The following PCLO variants were observed in gnomAD, a reference collection of about 807,000 sequenced individuals.
PCLO encodes piccolo presynaptic cytomatrix protein, also known as protein piccolo.
PCLO carries 82 observed loss-of-function variants against 427.5 expected under a neutral mutation model. The observed-to-expected ratio is 0.19, with a 90% CI of 0.16 to 0.23. PCLO has a LOEUF of 0.23. Ranked by LOEUF, PCLO falls within the 10% of genes least tolerant of loss-of-function variation. The pLI is 1.00. For synonymous variants in PCLO, 2,357 were observed against 2,155.4 expected (o/e 1.09, Z -2.59); for missense variants, 6,239 against 6,115.9 (o/e 1.02, Z -0.67).
chr7:83,126,179 A>AT (rs1485551925), intron 3 of PCLO, among the ~76,000 whole-genome samples: 1 of 152,180 alleles, frequency 6.6e-6, no homozygotes, highest in African/African-American at 2.4e-5. Flanking sequence ...AATTAAAACA[A>AT]TTGAACTCAT....
At chr7:83,122,389 G>T (rs1464680193) in intron 3 of PCLO, among the ~76,000 whole-genome samples, 1 of 150,726 alleles carries the variant, frequency 6.6e-6, no homozygotes, top group Non-Finnish European at 1.5e-5. Flanking sequence ...AGGTTCAAGT[G>T]ATTCTCCAGC....
chr7:82,851,523 G>C (rs1352778335), intron 10 of PCLO, among the ~76,000 whole-genome samples: 3 of 151,504 alleles, frequency 2.0e-5, no homozygotes, highest in African/African-American at 4.9e-5. Flanking sequence ...ACAGAAGGGA[G>C]AGCAGAATGG....
chr7:82,764,427 CAG>C (rs2129467647), intron 22 of PCLO, among the ~76,000 whole-genome samples: 1 of 151,834 alleles, frequency 6.6e-6, no homozygotes, highest in Non-Finnish European at 1.5e-5. Context: ...AAATAAAATG[CAG>C]AGTTGAGATT....
At chr7:83,013,337 T>C (rs946590153) in intron 3 of PCLO, among the ~76,000 whole-genome samples, 1 of 152,192 alleles carries the variant, frequency 6.6e-6, no homozygotes, top group Non-Finnish European at 1.5e-5. Context: ...CACTGCATTA[T>C]TACATGATAC....
At chr7:82,879,600 C>A in intron 9 of PCLO, 138 bp from the exon 10 acceptor site, 1 of 614,112 alleles carries the variant, frequency 1.6e-6, no homozygotes, top group South Asian at 2.2e-5. Context: ...AACACCAAAA[C>A]CAAAGTATGT....
chr7:82,924,537 C>T (rs1240835897), intron 6 of PCLO, among the ~76,000 whole-genome samples: 11 of 152,042 alleles, frequency 7.2e-5, no homozygotes, highest in Admixed American at 7.2e-4. Flanking sequence ...AAATTGTCCA[C>T]AACTGCAATA....
At chr7:83,141,484 G>A (rs1183849494) in intron 2 of PCLO, among the ~76,000 whole-genome samples, 2 of 152,138 alleles carry the variant, frequency 1.3e-5, no homozygotes, top group Admixed American at 6.5e-5. Flanking sequence ...CAAAAGAAAG[G>A]CATAAAAGTA....
At chr7:83,076,740 T>C (rs556998986) in intron 3 of PCLO, among the ~76,000 whole-genome samples, 12 of 147,854 alleles carry the variant, frequency 8.1e-5, no homozygotes, top group Non-Finnish European at 1.3e-4. Flanking sequence ...AAAAAGCAAA[T>C]AAACAAACAA....
At chr7:83,141,528 T>C (rs767435079) in intron 2 of PCLO, among the ~76,000 whole-genome samples, 1 of 152,214 alleles carries the variant, frequency 6.6e-6, no homozygotes, top group Admixed American at 6.5e-5. Flanking sequence ...TAATGTGCTA[T>C]ATAAATGGGG....
chr7:82,841,406 G>A, intron 14 of PCLO, 53 bp downstream of exon 14: 1 of 1,083,530 alleles, frequency 9.2e-7, no homozygotes, highest in Non-Finnish European at 1.4e-6. Flanking sequence ...CAAACCAGTG[G>A]CAAAACAACC....
chr7:82,960,768 G>A (rs1795639102), intron 4 of PCLO, among the ~76,000 whole-genome samples: 1 of 152,024 alleles, frequency 6.6e-6, no homozygotes. Context: ...ATAATAATAT[G>A]AACGACACAA....
chr7:83,058,409 G>C (rs1349409453), intron 3 of PCLO, among the ~76,000 whole-genome samples: 2 of 152,068 alleles, frequency 1.3e-5, no homozygotes, highest in Admixed American at 6.6e-5. Flanking sequence ...CATCCTTTTA[G>C]AAGACAAAAA....
intron 3 of PCLO, among the ~76,000 whole-genome samples, chr7:83,011,466 A>G (rs1174428712): frequency 6.6e-6 from 1 of 152,098 alleles, no homozygotes; most frequent in Non-Finnish European, 1.5e-5. Context: ...GCTAAGACAA[A>G]AACAACAGAA....
At chr7:83,007,306 A>C (rs2115964560) in intron 3 of PCLO, among the ~76,000 whole-genome samples, 1 of 151,712 alleles carries the variant, frequency 6.6e-6, no homozygotes, top group African/African-American at 2.4e-5. Flanking sequence ...ACACTTGAAA[A>C]ATTATAAAAT....
chr7:82,905,896 T>C (rs1310970930), intron 8 of PCLO, among the ~76,000 whole-genome samples: 1 of 151,932 alleles, frequency 6.6e-6, no homozygotes, highest in Non-Finnish European at 1.5e-5. Context: ...GGTATTAGCA[T>C]TATTTATAGA....
chr7:83,152,664 T>G (rs963371993), intron 2 of PCLO, among the ~76,000 whole-genome samples: 9 of 152,318 alleles, frequency 5.9e-5, no homozygotes, highest in African/African-American at 2.2e-4. Flanking sequence ...TCATGTCCTA[T>G]ATCTATTGAA....
chr7:82,834,572 G>T (rs1792179498), intron 16 of PCLO, among the ~76,000 whole-genome samples: 1 of 152,116 alleles, frequency 6.6e-6, no homozygotes, highest in African/African-American at 2.4e-5. Flanking sequence ...AACGAATGCT[G>T]TACCATTAAT....
intron 9 of PCLO, among the ~76,000 whole-genome samples, chr7:82,898,418 A>T (rs1275735298): frequency 6.6e-6 from 1 of 151,484 alleles, no homozygotes; most frequent in African/African-American, 2.4e-5. Flanking sequence ...GTTTTCCTAA[A>T]TAAATTTTTT....
At chr7:82,830,795 T>C (rs1792075459) in intron 16 of PCLO, among the ~76,000 whole-genome samples, 1 of 152,044 alleles carries the variant, frequency 6.6e-6, no homozygotes, top group South Asian at 2.1e-4. Context: ...TAAAATAGTC[T>C]GAAGTAGTAT....
Sources: allele counts gnomAD v4.1 joint callset (sites outside exome capture counted in the v4.1 genomes callset), GRCh38; gene constraint gnomAD v4.1.1; transcripts MANE v1.5; gene names NCBI Gene and HGNC (gene_info 2026-07-23, HGNC 2026-07-21).